EVC: variants seen among roughly 807,000 people sequenced by gnomAD.
EVC encodes the protein evC complex member EVC.
EVC carries 116 observed loss-of-function variants against 118.9 expected under a neutral mutation model. The ratio of observed to expected loss-of-function variants is 0.98; its 90% CI spans 0.84 to 1.14. EVC has a LOEUF of 1.14. EVC is among the 50% of genes most tolerant of loss of function. EVC has a pLI of 0.00. For missense variants in EVC, 1,401 were observed against 1,246.4 expected, an observed-to-expected ratio of 1.12 and a Z score of -1.87; for synonymous variants, 619 against 534.7, an observed-to-expected ratio of 1.16 and a Z score of -2.18.
chr4:5,772,093 T>C (rs1027620449), intron 11 of EVC, among the ~76,000 whole-genome samples: 1 of 152,044 alleles, frequency 6.6e-6, no homozygotes, highest in Non-Finnish European at 1.5e-5. Flanking sequence ...AGACAAGGTT[T>C]CACCGTGTTA....
At chr4:5,799,207 G>A (rs1054972296) in intron 15 of EVC, among the ~76,000 whole-genome samples, 1 of 152,170 alleles carries the variant, frequency 6.6e-6, no homozygotes, top group Non-Finnish European at 1.5e-5. Context: ...AGAGCTTTCT[G>A]GAGTTCATCC....
rs113406354 is a variant in EVC, at chr4:5,719,238, C to T, written c.175-10C>T. The T allele has an allele frequency of 8.9e-5, 143 of 1,614,026 alleles. No homozygotes were observed. Among genetic ancestry groups the T allele is most frequent in the Admixed American group, 3.7e-4 (22 of 60,012 alleles). On this transcript the variant is annotated splice_polypyrimidine_tract_variant and intron_variant, in intron 1 of 20. Coordinates refer to ENST00000264956, the MANE Select transcript of EVC (RefSeq NM_153717.3). The surrounding 1 kb of genome is among the most constrained non-coding windows in gnomAD (Gnocchi z 4.7). ...CTATCCACCCCCAACTCCTGACCTTCGGGTTTTAGAAAGACGACACTCAAA... is the reference window on the plus strand; with the variant it reads ...CTATCCACCCCCAACTCCTGACCTTTGGGTTTTAGAAAGACGACACTCAAA...
chr4:5,732,843 CTAAAA>C (rs1727041019), intron 4 of EVC, among the ~76,000 whole-genome samples: 1 of 152,060 alleles, frequency 6.6e-6, no homozygotes, highest in Admixed American at 6.5e-5. Flanking sequence ...GACCCCATCT[CTAAAA>C]TAAAATCCAA....
At chr4:5,723,452 G>T (rs1577336409) in intron 2 of EVC, among the ~76,000 whole-genome samples, 1 of 152,110 alleles carries the variant, frequency 6.6e-6, no homozygotes, top group Non-Finnish European at 1.5e-5. Flanking sequence ...GCCTCCCAAA[G>T]TGCTGGGATT....
rs997973826 is a variant in EVC, at chr4:5,746,624, G to A, written c.939+1283G>A. On this transcript the variant is annotated intron_variant, in intron 7 of 20. Coordinates refer to ENST00000264956, the MANE Select transcript of EVC (RefSeq NM_153717.3). The surrounding 1 kb of genome is among the most constrained non-coding windows in gnomAD (Gnocchi z 5.8). Reference sequence around the variant, plus strand: ...AAGGAAGAGGGCCAGCCTGGATTCCGGTGGTCCACAGAACCCCCAACGCTG... The same window carrying A: ...AAGGAAGAGGGCCAGCCTGGATTCCAGTGGTCCACAGAACCCCCAACGCTG... 3.9e-5 allele frequency among the ~76,000 whole-genome samples: 6 copies of A among 152,232 alleles called. No homozygotes were observed. The highest frequency in any genetic ancestry group is 7.4e-5 in the Non-Finnish European group (5 of 68,020).
intron 15 of EVC, chr4:5,801,698 G>A (rs1405660156): frequency 1.5e-5 from 7 of 454,988 alleles, no homozygotes; most frequent in East Asian, 8.1e-5. Flanking sequence ...AAAAAGATGC[G>A]GGGAAGGCCT....
At chr4:5,762,064 ACATCAGTCC>A (rs1732134981) in intron 11 of EVC, among the ~76,000 whole-genome samples, 2 of 36,756 alleles carry the variant, frequency 5.4e-5, no homozygotes, top group Non-Finnish European at 9.5e-5. Flanking sequence ...CCCCCACCCC[ACATCAGTCC>A]CCAGAGTGTG....
chr4:5,783,051 C>G (rs892314094), intron 11 of EVC, among the ~76,000 whole-genome samples: 1 of 151,638 alleles, frequency 6.6e-6, no homozygotes, highest in Non-Finnish European at 1.5e-5. Context: ...TGAGAGGGCT[C>G]TAAGGTGACG....
At chr4:5,734,568 G>A (rs376382070) in intron 5 of EVC, among the ~76,000 whole-genome samples, 2 of 152,216 alleles carry the variant, frequency 1.3e-5, no homozygotes, top group African/African-American at 4.8e-5. Flanking sequence ...GAGGTGAGAG[G>A]AACACTTGAG....
chr4:5,811,146 C>A lies in EVC; in HGVS notation c.*109C>A. 1.2e-6 allele frequency: 1 copy of A among 836,596 alleles called. No homozygotes were observed. The allele number at this position is 836,596 out of a possible 1,614,324, so 51.8% of individuals were successfully genotyped here. Reference sequence around the variant, plus strand: ...GCGAGGACGGAGAGGACAGCGGCATCTCTAGGCTCTTCTGAGAGGGACAGA... The same window carrying A: ...GCGAGGACGGAGAGGACAGCGGCATATCTAGGCTCTTCTGAGAGGGACAGA... On this transcript the variant is annotated 3_prime_UTR_variant, in exon 21 of 21. Coordinates refer to ENST00000264956, the MANE Select transcript of EVC (RefSeq NM_153717.3).
intron 13 of EVC, among the ~76,000 whole-genome samples, chr4:5,796,418 A>T (rs7689643): frequency 0.013 from 1,943 of 152,232 alleles, 44 homozygotes; most frequent in African/African-American, 0.044. Flanking sequence ...GAGAGGATTT[A>T]TGTTACTTCT....
intron 11 of EVC, among the ~76,000 whole-genome samples, chr4:5,782,898 CA>C (rs1266591501): frequency 1.3e-5 from 2 of 152,134 alleles, no homozygotes; most frequent in Non-Finnish European, 2.9e-5. Context: ...GATGGTGACC[CA>C]GGGGAGGCCC....
At chr4:5,787,794 C>T (rs1711977689) in intron 12 of EVC, among the ~76,000 whole-genome samples, 1 of 152,112 alleles carries the variant, frequency 6.6e-6, no homozygotes, top group Non-Finnish European at 1.5e-5. Context: ...GAGTTTGAAT[C>T]CTGGCTCCCC....
At chr4:5,796,887 G>A in intron 13 of EVC, 135 bp from the exon 14 acceptor site, 1 of 745,258 alleles carries the variant, frequency 1.3e-6, no homozygotes, top group South Asian at 1.4e-5. Flanking sequence ...CTAAGAGGAT[G>A]GCAGCAGAGG....
chr4:5,774,627 G>A (rs966450191), intron 11 of EVC, among the ~76,000 whole-genome samples: 5 of 152,122 alleles, frequency 3.3e-5, no homozygotes, highest in Middle Eastern at 3.4e-3. Context: ...GTTTGAATGC[G>A]GCTGCAGAGG....
chr4:5,733,236 T>G, intron 4 of EVC, 115 bp from the exon 5 acceptor site: 32 of 833,600 alleles, frequency 3.8e-5, no homozygotes, highest in Non-Finnish European at 5.8e-5. Context: ...TGCTGCAGAA[T>G]GAGAGTTTGA....
chr4:5,737,229 G>T lies in EVC; in HGVS notation c.702+3794G>T, dbSNP rs951992854. ...TTCAATTCTGTGAGTGCTGAGAGAG[G>T]TGAGGAAGCTGCAGAAGAAAAATTT... On this transcript the variant is annotated intron_variant, in intron 5 of 20. Transcript: ENST00000264956. This position sits in a 1 kb window ranked among gnomAD's most constrained non-coding sequence, Gnocchi z 5.0. 7.9e-5 allele frequency among the ~76,000 whole-genome samples: 12 copies of T among 152,174 alleles called. No homozygotes were observed. The highest frequency in any genetic ancestry group is 1.3e-4 in the Non-Finnish European group (9 of 68,034).
At position 5,745,235 on chromosome 4, in the gene EVC, T is replaced by A; in HGVS notation, c.833T>A (p.Val278Asp). 6.2e-7 allele frequency: 1 copy of A among 1,614,042 alleles called. No homozygotes were observed. Among genetic ancestry groups the A allele is most frequent in the Non-Finnish European group, 8.5e-7 (1 of 1,179,934 alleles). ...GAGGAACTAGAAAAGGGACTTCAGG[T>A]CAAACTGTCAAACACAGAAATGTCG... The part of the protein sequence containing the change: ...DLEELEKGLQ[V>D]KLSNTEMSGA... The change falls in exon 7 of 21, where the codon GTC (valine) becomes GAC (aspartate). Residue 278 changes from valine (V) to aspartate (D), a missense_variant. Physicochemically the swap from Val to Asp is radical, Grantham distance 152. Transcript: ENST00000264956.
At chr4:5,712,309 G>A (rs985307854) in intron 1 of EVC, among the ~76,000 whole-genome samples, 10 of 152,212 alleles carry the variant, frequency 6.6e-5, no homozygotes, top group African/African-American at 2.4e-4. Context: ...CTGAGGCACA[G>A]AGAGGTTAAG....
Sources: gnomAD v4.1 joint callset for allele counts (sites outside exome capture counted in the v4.1 genomes callset) on GRCh38, gnomAD v4.1.1 for gene constraint, Gnocchi (gnomAD v3.1) non-coding constraint, MANE v1.5 for transcripts, NCBI Gene and HGNC (gene_info 2026-07-23, HGNC 2026-07-21) for gene names.